NOL4: variants seen among roughly 807,000 people sequenced by gnomAD.
The protein encoded by NOL4 is cancer/testis antigen 125.
A neutral mutation model predicts 75.9 loss-of-function variants in NOL4; 17 were observed. That is an observed-to-expected ratio of 0.22 (90% CI 0.15 to 0.34). The LOEUF is 0.34. Ranked by LOEUF, NOL4 falls within the 10% of genes least tolerant of loss-of-function variation. The pLI, the probability that NOL4 is intolerant of heterozygous loss-of-function variation, is 1.00. For missense variants in NOL4, 614 were observed against 793.5 expected (o/e 0.77, Z 2.72); for synonymous variants, 292 against 289.9 (o/e 1.01, Z -0.07).
chr18:33,925,889 T>C (rs1599886725), intron 9 of NOL4, among the ~76,000 whole-genome samples: 2 of 152,326 alleles, frequency 1.3e-5, no homozygotes, highest in African/African-American at 4.8e-5. Flanking sequence ...AATAAATTTG[T>C]TGAGCTAAGT....
intron 5 of NOL4, among the ~76,000 whole-genome samples, chr18:34,082,436 C>T (rs2078054237): frequency 6.6e-6 from 1 of 152,142 alleles, no homozygotes; most frequent in African/African-American, 2.4e-5. Context: ...CCTCAAACAG[C>T]GCCTAGCGTT....
At chr18:34,119,368 T>C (rs2080012333) in intron 2 of NOL4, among the ~76,000 whole-genome samples, 1 of 152,116 alleles carries the variant, frequency 6.6e-6, no homozygotes. Context: ...ATCCCCATAC[T>C]CCCTGGTGGA....
intron 6 of NOL4, among the ~76,000 whole-genome samples, chr18:33,998,620 T>C (rs116786586): frequency 0.012 from 1,776 of 152,206 alleles, 32 homozygotes; most frequent in African/African-American, 0.04. Context: ...GAAACAAAGA[T>C]ATGTGCCCAT....
intron 1 of NOL4, among the ~76,000 whole-genome samples, chr18:34,220,525 C>A (rs1279347161): frequency 6.6e-6 from 1 of 152,028 alleles, no homozygotes; most frequent in African/African-American, 2.4e-5. Flanking sequence ...TGACTGTACT[C>A]CTACCATCGG....
At chr18:34,185,292 A>G (rs1219932304) in intron 1 of NOL4, among the ~76,000 whole-genome samples, 1 of 152,154 alleles carries the variant, frequency 6.6e-6, no homozygotes, top group African/African-American at 2.4e-5. Context: ...GAAATAAAAG[A>G]CCATGGATTA....
chr18:34,202,006 T>C (rs918292654), intron 1 of NOL4, among the ~76,000 whole-genome samples: 4 of 151,858 alleles, frequency 2.6e-5, no homozygotes, highest in African/African-American at 9.7e-5. Context: ...CAAATATATT[T>C]GATTATTTTA....
At chr18:34,048,241 A>G (rs988385775) in intron 5 of NOL4, among the ~76,000 whole-genome samples, 6 of 152,146 alleles carry the variant, frequency 3.9e-5, no homozygotes, top group African/African-American at 1.4e-4. Context: ...GAGATTTTAG[A>G]TGGATATTTA....
rs918790499 is a variant in NOL4 at position 34,047,668 on chromosome 18, T to C, written c.773-28067A>G. On this transcript the variant is annotated intron_variant, in intron 5 of 10. Transcript: ENST00000261592. ...TCACAATAGACACTAATATCAAATA[T>C]TTAAAATTCATACAAGGTTTCTAGC... Among the ~76,000 whole-genome samples the C allele has an allele frequency of 3.9e-5, 6 of 152,132 alleles. No homozygotes were observed. The South Asian group carries it at 1.2e-3, about 31-fold the overall frequency.
chr18:34,087,260 TA>T (rs1208602159), intron 5 of NOL4, among the ~76,000 whole-genome samples: 1 of 152,082 alleles, frequency 6.6e-6, no homozygotes, highest in Non-Finnish European at 1.5e-5. Context: ...TGAATTAGGA[TA>T]TAAGAAAAAG....
intron 5 of NOL4, among the ~76,000 whole-genome samples, chr18:34,034,306 C>T (rs142753719): frequency 8.6e-4 from 131 of 152,284 alleles, no homozygotes; most frequent in African/African-American, 2.9e-3. Context: ...ATTAGATTCT[C>T]CTCCTAAAAG....
intron 10 of NOL4, among the ~76,000 whole-genome samples, chr18:33,873,292 G>A (rs2063783243): frequency 6.6e-6 from 1 of 151,934 alleles, no homozygotes; most frequent in African/African-American, 2.4e-5. Context: ...TCCTGGAGCA[G>A]GATGACAATG....
intron 5 of NOL4, among the ~76,000 whole-genome samples, chr18:34,044,279 C>T (rs1190418816): frequency 6.6e-6 from 1 of 151,836 alleles, no homozygotes; most frequent in African/African-American, 2.4e-5. Flanking sequence ...AGCAATTATC[C>T]ATATGAAAAG....
chr18:34,023,112 G>A (rs1333125912), intron 5 of NOL4, among the ~76,000 whole-genome samples: 1 of 152,014 alleles, frequency 6.6e-6, no homozygotes, highest in African/African-American at 2.4e-5. Context: ...TTACTCATTT[G>A]TATCAAATAT....
rs561736523 is a variant in NOL4, at chr18:34,107,588, C to A, written c.415-2428G>T. On this transcript the variant is annotated intron_variant, in intron 2 of 10. Coordinates refer to ENST00000261592, the MANE Select transcript of NOL4 (RefSeq NM_003787.5). ...TGGGGCCCACAGACCACAGAGTCCTCCTATGCACAGGGAAGAAAGATCCTC... is the reference window on the plus strand; with the variant it reads ...TGGGGCCCACAGACCACAGAGTCCTACTATGCACAGGGAAGAAAGATCCTC... Among the ~76,000 whole-genome samples, 10 of 151,862 alleles carry A rather than the reference C, an allele frequency of 6.6e-5. No individual in the cohort carries two copies. In the South Asian group the frequency reaches 2.1e-3, roughly 32 times the overall value.
chr18:34,208,818 C>T (rs748849147), intron 1 of NOL4, among the ~76,000 whole-genome samples: 4 of 152,088 alleles, frequency 2.6e-5, no homozygotes, highest in East Asian at 1.9e-4. Flanking sequence ...GCCGAGATTG[C>T]GCCACTGCAC....
At chr18:34,014,220 A>G (rs908375768) in intron 6 of NOL4, among the ~76,000 whole-genome samples, 1 of 151,972 alleles carries the variant, frequency 6.6e-6, no homozygotes, top group African/African-American at 2.4e-5. Context: ...AAAATTAAAG[A>G]TTAATTGAAA....
Position 33,959,053 on chromosome 18 carries a change from A to C in NOL4, c.1057-635T>G, listed in dbSNP as rs184257514. Among the ~76,000 whole-genome samples the C allele has an allele frequency of 2.0e-5, 3 of 152,244 alleles. No individual in the cohort carries two copies. The East Asian group carries it at 5.8e-4, about 29-fold the overall frequency. On this transcript the variant is annotated intron_variant, in intron 6 of 10. Coordinates refer to ENST00000261592, the MANE Select transcript of NOL4 (RefSeq NM_003787.5). ...TCTGATTTGGGTTTAGAAAATGGGAACCGGGTTTCTTCCTAATCCTCTGTT... is the reference window on the plus strand; with the variant it reads ...TCTGATTTGGGTTTAGAAAATGGGACCCGGGTTTCTTCCTAATCCTCTGTT...
At chr18:34,024,635 T>A (rs1383771813) in intron 5 of NOL4, among the ~76,000 whole-genome samples, 1 of 152,092 alleles carries the variant, frequency 6.6e-6, no homozygotes, top group African/African-American at 2.4e-5. Flanking sequence ...ACACCATAAC[T>A]GCCTTTACTC....
intron 10 of NOL4, among the ~76,000 whole-genome samples, chr18:33,874,372 T>C (rs1189488977): frequency 2.6e-5 from 4 of 151,986 alleles, no homozygotes. Context: ...ATATGAAACA[T>C]TCTTCTTCTT....
Sources: allele counts gnomAD v4.1 joint callset (sites outside exome capture counted in the v4.1 genomes callset), GRCh38; gene constraint gnomAD v4.1.1; transcripts MANE v1.5; gene names NCBI Gene and HGNC (gene_info 2026-07-23, HGNC 2026-07-21).